Variants in UNC5D observed in about 807,000 individuals in gnomAD.
The protein encoded by UNC5D is netrin receptor UNC5D.
A neutral mutation model predicts 105.4 loss-of-function variants in UNC5D; 39 were observed. The observed-to-expected ratio is 0.37, with a 90% CI of 0.29 to 0.48. The LOEUF is 0.48. Among genes scored for constraint, UNC5D ranks in the 20% least tolerant of loss-of-function variants. The probability of loss-of-function intolerance (pLI) is 0.98; values close to 1 mark genes in which losing one functional copy is unlikely to be tolerated. For synonymous variants in UNC5D, 452 were observed against 450.4 expected (o/e 1.00, Z -0.04); for missense variants, 991 against 1,202.4 (o/e 0.82, Z 2.60).
At chr8:35,603,122 T>C (rs180824325) in intron 4 of UNC5D, among the ~76,000 whole-genome samples, 7 of 152,288 alleles carry the variant, frequency 4.6e-5, no homozygotes, top group African/African-American at 1.4e-4. Flanking sequence ...TCTCTAGTTC[T>C]TTTAATTGTG....
intron 6 of UNC5D, among the ~76,000 whole-genome samples, chr8:35,685,205 G>A (rs1825926535): frequency 6.6e-6 from 1 of 152,122 alleles, no homozygotes; most frequent in South Asian, 2.1e-4. Flanking sequence ...TTCTAGCTTT[G>A]TATTTATTTA....
intron 1 of UNC5D, among the ~76,000 whole-genome samples, chr8:35,474,316 C>G (rs1429560659): frequency 6.6e-6 from 1 of 151,996 alleles, no homozygotes; most frequent in African/African-American, 2.4e-5. Flanking sequence ...AGAATTGTTC[C>G]TTTTTGTTTG....
intron 16 of UNC5D, among the ~76,000 whole-genome samples, chr8:35,782,644 C>T (rs541383220): frequency 2.0e-5 from 3 of 152,042 alleles, no homozygotes; most frequent in African/African-American, 4.8e-5. Context: ...GCTGGGATTA[C>T]AGGCGCCTGC....
rs371894004 is a variant in UNC5D at position 35,711,507 on chromosome 8, G to A, written c.1117+5546G>A. 5.9e-5 allele frequency among the ~76,000 whole-genome samples: 9 copies of A among 152,180 alleles called. No individual in the cohort carries two copies. In the South Asian group the frequency reaches 1.9e-3, roughly 32 times the overall value. On this transcript the variant is annotated intron_variant, in intron 8 of 16. Coordinates refer to ENST00000404895, the MANE Select transcript of UNC5D (RefSeq NM_080872.4). ...GCTTTCTTTTCTTTATTACCGTTAA[G>A]TATTTTCCTTCCTACCCTCTCACCA...
At chr8:35,554,874 T>C (rs888752777) in intron 2 of UNC5D, among the ~76,000 whole-genome samples, 5 of 152,202 alleles carry the variant, frequency 3.3e-5, no homozygotes, top group African/African-American at 1.2e-4. Flanking sequence ...TTCAGGGACC[T>C]CATTGTGTGT....
chr8:35,488,402 G>T (rs946419286), intron 1 of UNC5D, among the ~76,000 whole-genome samples: 1 of 152,182 alleles, frequency 6.6e-6, no homozygotes, highest in East Asian at 1.9e-4. Flanking sequence ...GACCCAGAAG[G>T]TGATTTGGAA....
chr8:35,326,420 C>A (rs145314484), intron 1 of UNC5D, among the ~76,000 whole-genome samples: 7 of 152,012 alleles, frequency 4.6e-5, no homozygotes, highest in Non-Finnish European at 8.8e-5. Flanking sequence ...GTAAAGAAGC[C>A]GAAAATTCAC....
At chr8:35,363,229 G>A (rs895798000) in intron 1 of UNC5D, among the ~76,000 whole-genome samples, 4 of 152,084 alleles carry the variant, frequency 2.6e-5, no homozygotes, top group African/African-American at 9.7e-5. Flanking sequence ...ATGTGTCTTG[G>A]GAAGCCTCCA....
chr8:35,398,892 A>G (rs1239757363), intron 1 of UNC5D, among the ~76,000 whole-genome samples: 1 of 152,112 alleles, frequency 6.6e-6, no homozygotes, highest in African/African-American at 2.4e-5. Context: ...ATGGTAGCAC[A>G]CACCTGTAAT....
intron 4 of UNC5D, among the ~76,000 whole-genome samples, chr8:35,648,890 A>C (rs1823236957): frequency 6.6e-6 from 1 of 152,136 alleles, no homozygotes; most frequent in African/African-American, 2.4e-5. Flanking sequence ...CAAGGTAAAC[A>C]CTGTAGAGCT....
chr8:35,481,588 C>T (rs181257784), intron 1 of UNC5D, among the ~76,000 whole-genome samples: 1 of 152,278 alleles, frequency 6.6e-6, no homozygotes, highest in East Asian at 1.9e-4. Context: ...ATGCTTCCCT[C>T]GCTGTTACAT....
intron 1 of UNC5D, among the ~76,000 whole-genome samples, chr8:35,368,921 C>G (rs1269211777): frequency 6.6e-6 from 1 of 152,126 alleles, no homozygotes; most frequent in Non-Finnish European, 1.5e-5. Flanking sequence ...ATCCTAGCAC[C>G]CTAATCATGG....
chr8:35,513,134 C>T (rs185578591), intron 1 of UNC5D, among the ~76,000 whole-genome samples: 2 of 152,098 alleles, frequency 1.3e-5, no homozygotes, highest in East Asian at 3.9e-4. Flanking sequence ...GGACTTCGCA[C>T]TTGCTATTCT....
intron 1 of UNC5D, among the ~76,000 whole-genome samples, chr8:35,386,399 G>T (rs954528608): frequency 5.9e-5 from 9 of 152,110 alleles, no homozygotes; most frequent in African/African-American, 2.2e-4. Flanking sequence ...CAAATCAATC[G>T]GTTGACTTTC....
chr8:35,324,252 A>G (rs1321611264), intron 1 of UNC5D, among the ~76,000 whole-genome samples: 1 of 151,208 alleles, frequency 6.6e-6, no homozygotes, highest in African/African-American at 2.4e-5. Flanking sequence ...AAAAAAAAAA[A>G]AAGTGATGAG....
chr8:35,689,772 TCTG>T (rs1278311162), intron 7 of UNC5D, among the ~76,000 whole-genome samples: 9 of 152,208 alleles, frequency 5.9e-5, no homozygotes, highest in African/African-American at 2.2e-4. Flanking sequence ...TGGAGGGCCG[TCTG>T]CTTTTTTTTT....
At chr8:35,588,881 A>C (rs887557219) in intron 3 of UNC5D, among the ~76,000 whole-genome samples, 1 of 152,178 alleles carries the variant, frequency 6.6e-6, no homozygotes, top group Non-Finnish European at 1.5e-5. Flanking sequence ...TCTCTACTAA[A>C]AATACAAAAA....
At chr8:35,752,386 T>A (rs1335649942) in intron 13 of UNC5D, among the ~76,000 whole-genome samples, 1 of 152,114 alleles carries the variant, frequency 6.6e-6, no homozygotes, top group Non-Finnish European at 1.5e-5. Flanking sequence ...GGAAAACTCA[T>A]GTTTACCAGT....
chr8:35,623,367 C>G (rs1821480670), intron 4 of UNC5D, among the ~76,000 whole-genome samples: 1 of 152,156 alleles, frequency 6.6e-6, no homozygotes. Flanking sequence ...CTATGAACAC[C>G]CGCGGCGTAC....
Sources: allele counts gnomAD v4.1 joint callset (sites outside exome capture counted in the v4.1 genomes callset), GRCh38; gene constraint gnomAD v4.1.1; transcripts MANE v1.5; gene names NCBI Gene and HGNC (gene_info 2026-07-23, HGNC 2026-07-21).